The following RNF212B variants were observed in gnomAD, a reference collection of about 807,000 sequenced individuals.
RNF212B encodes ring finger protein 212B, also known as E3 ubiquitin-protein ligase RNF212B.
RNF212B carries 52 observed loss-of-function variants against 55.5 expected under a neutral mutation model. That is an observed-to-expected ratio of 0.94 (90% CI 0.75 to 1.18). The LOEUF is 1.18. Ranked by LOEUF, RNF212B falls within the 50% of genes most tolerant of loss-of-function variation. RNF212B has a pLI of 0.00. For missense variants in RNF212B, 289 were observed against 350.4 expected (o/e 0.82, Z 1.40); for synonymous variants, 99 against 121.4 (o/e 0.82, Z 1.21).
chr14:23,193,136 C>T (rs1878287417), intron 1 of RNF212B, among the ~76,000 whole-genome samples: 1 of 148,600 alleles, frequency 6.7e-6, no homozygotes, highest in Non-Finnish European at 1.5e-5. Flanking sequence ...ACCAGAATGG[C>T]ACTGCCTTTC....
intron 2 of RNF212B, among the ~76,000 whole-genome samples, chr14:23,225,620 G>A (rs536947612): frequency 6.6e-6 from 1 of 150,784 alleles, no homozygotes; most frequent in East Asian, 2.0e-4. Flanking sequence ...AATTCATGAA[G>A]ATAGAGAATA....
intron 2 of RNF212B, among the ~76,000 whole-genome samples, chr14:23,212,288 A>G (rs1311800819): frequency 6.6e-6 from 1 of 152,228 alleles, no homozygotes; most frequent in Non-Finnish European, 1.5e-5. Context: ...CACTGCAGTT[A>G]GGCAAGAAAA....
At chr14:23,268,818 T>C in intron 11 of RNF212B, 106 bp from the exon 12 acceptor site, 4 of 896,014 alleles carry the variant, frequency 4.5e-6, no homozygotes, top group South Asian at 2.9e-5. Flanking sequence ...CTAACCCATA[T>C]ACTAAAAATC....
intron 2 of RNF212B, among the ~76,000 whole-genome samples, chr14:23,228,660 AC>A (rs1352784473): frequency 4.6e-5 from 7 of 151,834 alleles, no homozygotes; most frequent in South Asian, 2.1e-4. Flanking sequence ...AAACAAAAAA[AC>A]AAAACAAAAC....
At chr14:23,185,657 G>C (rs1877518163) in intron 1 of RNF212B, among the ~76,000 whole-genome samples, 1 of 152,188 alleles carries the variant, frequency 6.6e-6, no homozygotes, top group African/African-American at 2.4e-5. Context: ...GAAGCTAAGG[G>C]GGTTATGGGA....
chr14:23,216,901 AAAAG>A (rs1881132251), intron 2 of RNF212B, among the ~76,000 whole-genome samples: 1 of 151,466 alleles, frequency 6.6e-6, no homozygotes, highest in African/African-American at 2.4e-5. Flanking sequence ...AAAAAAAAAA[AAAAG>A]ACCAATCTCA....
intron 2 of RNF212B, among the ~76,000 whole-genome samples, chr14:23,209,415 A>G (rs1450769155): frequency 1.3e-5 from 2 of 152,162 alleles, no homozygotes; most frequent in Non-Finnish European, 2.9e-5. Context: ...TTTAAGATGG[A>G]GTTGCTCTGG....
chr14:23,196,943 A>G (rs1328325798), intron 2 of RNF212B, among the ~76,000 whole-genome samples: 1 of 152,070 alleles, frequency 6.6e-6, no homozygotes, highest in Non-Finnish European at 1.5e-5. Context: ...TGATTTTATG[A>G]TTAATGTCTA....
At chr14:23,211,033 C>T (rs1209027669) in intron 2 of RNF212B, among the ~76,000 whole-genome samples, 1 of 151,922 alleles carries the variant, frequency 6.6e-6, no homozygotes, top group Non-Finnish European at 1.5e-5. Context: ...GACTGGCCAA[C>T]ATAGTGAAAC....
intron 2 of RNF212B, among the ~76,000 whole-genome samples, chr14:23,208,762 T>TTTTTTTTG (rs1425795493): frequency 3.9e-5 from 5 of 127,574 alleles, no homozygotes; most frequent in African/African-American, 1.0e-4. Context: ...TTGCCGTTTT[T>TTTTTTTTG]TTTTTTTTTT....
upstream of RNF212B, among the ~76,000 whole-genome samples, chr14:23,237,917 C>A (rs189744024): frequency 1.3e-5 from 2 of 152,320 alleles, no homozygotes; most frequent in East Asian, 3.9e-4. Flanking sequence ...CCTCTCACAC[C>A]GCCTCGGCTG....
At chr14:23,225,942 C>G (rs1444778416) in intron 2 of RNF212B, among the ~76,000 whole-genome samples, 1 of 152,130 alleles carries the variant, frequency 6.6e-6, no homozygotes, top group Non-Finnish European at 1.5e-5. Flanking sequence ...TGCAAAATAT[C>G]TCATGTACCC....
At chr14:23,240,489 A>G in intron 2 of RNF212B, 44 bp downstream of exon 2, 1 of 1,198,500 alleles carries the variant, frequency 8.3e-7, no homozygotes, top group Non-Finnish European at 1.2e-6. Context: ...AAATGTTTTC[A>G]TGTAAGGATG....
upstream of RNF212B, among the ~76,000 whole-genome samples, chr14:23,236,285 G>T (rs1029888353): frequency 3.9e-5 from 6 of 152,166 alleles, 1 homozygote; most frequent in Admixed American, 3.3e-4. Flanking sequence ...GGAGACCAAG[G>T]CAGGTGGATC....
intron 2 of RNF212B, among the ~76,000 whole-genome samples, chr14:23,223,644 C>A (rs566340103): frequency 1.3e-5 from 2 of 152,172 alleles, no homozygotes; most frequent in African/African-American, 4.8e-5. Context: ...CGTGAGCCAC[C>A]GCGCCCGGCC....
At chr14:23,254,155 T>C (rs2140459863) in intron 4 of RNF212B, among the ~76,000 whole-genome samples, 1 of 151,838 alleles carries the variant, frequency 6.6e-6, no homozygotes, top group South Asian at 2.1e-4. Flanking sequence ...TATGGTGGCA[T>C]GCACCTGTTG....
chr14:23,234,907 C>T (rs1044450456), upstream of RNF212B, among the ~76,000 whole-genome samples: 2 of 152,064 alleles, frequency 1.3e-5, no homozygotes, highest in East Asian at 3.8e-4. Flanking sequence ...GAGACCTTGT[C>T]TCTTAAAAAA....
chr14:23,269,407 G>C (rs532886059), intron 12 of RNF212B, among the ~76,000 whole-genome samples: 64 of 152,292 alleles, frequency 4.2e-4, no homozygotes, highest in African/African-American at 1.5e-3. Context: ...AAAAAAGAAA[G>C]CTGGATAGCA....
chr14:23,263,049 GA>G, intron 9 of RNF212B, 79 bp downstream of exon 9: 1 of 1,308,062 alleles, frequency 7.6e-7, no homozygotes, highest in Middle Eastern at 1.8e-4. Flanking sequence ...CTCAGATTGG[GA>G]CTGATGAAAT....
Sources: allele counts gnomAD v4.1 joint callset (sites outside exome capture counted in the v4.1 genomes callset), GRCh38; gene constraint gnomAD v4.1.1; transcripts MANE v1.5; gene names NCBI Gene and HGNC (gene_info 2026-07-23, HGNC 2026-07-21).